WWOX: variants seen among roughly 807,000 people sequenced by gnomAD.
The protein encoded by WWOX is WW domain containing oxidoreductase.
Under a neutral mutation model 46.2 loss-of-function variants are expected in WWOX, and 69 were observed. The observed-to-expected ratio is 1.49, with a 90% CI of 1.23 to 1.82. The LOEUF is 1.82. Ranked by LOEUF, WWOX falls within the 40% of genes most tolerant of loss-of-function variation. The pLI, the probability that WWOX is intolerant of heterozygous loss-of-function variation, is 0.00. For missense variants in WWOX, 919 were observed against 542.6 expected (o/e 1.69, Z -6.89); for synonymous variants, 359 against 202.6 (o/e 1.77, Z -6.56).
intron 8 of WWOX, among the ~76,000 whole-genome samples, chr16:78,584,625 A>G (rs1374765721): frequency 2.0e-5 from 3 of 152,228 alleles, no homozygotes; most frequent in African/African-American, 7.2e-5. Flanking sequence ...GACTGTTACC[A>G]GAGGACATAT....
intron 5 of WWOX, among the ~76,000 whole-genome samples, chr16:78,358,173 T>G (rs1478167912): frequency 1.3e-5 from 2 of 152,154 alleles, no homozygotes; most frequent in Non-Finnish European, 2.9e-5. Context: ...TCAACACACA[T>G]TAATCAACAA....
At chr16:78,990,645 A>G (rs919908852) in intron 8 of WWOX, among the ~76,000 whole-genome samples, 8 of 152,188 alleles carry the variant, frequency 5.3e-5, no homozygotes, top group African/African-American at 1.9e-4. Context: ...AAGTAAAATG[A>G]AAGAAGAAAA....
intron 8 of WWOX, among the ~76,000 whole-genome samples, chr16:78,634,034 T>A (rs2046505344): frequency 6.6e-6 from 1 of 152,060 alleles, no homozygotes; most frequent in Non-Finnish European, 1.5e-5. Flanking sequence ...CAGCCAGCTG[T>A]GGGGTTGGAC....
intron 8 of WWOX, among the ~76,000 whole-genome samples, chr16:78,962,030 C>G (rs561121606): frequency 1.3e-5 from 2 of 152,160 alleles, no homozygotes; most frequent in East Asian, 1.9e-4. Context: ...TGCTCCTGAG[C>G]AAGTCTGGAT....
intron 8 of WWOX, among the ~76,000 whole-genome samples, chr16:79,207,604 T>A (rs1039515052): frequency 1.3e-5 from 2 of 152,230 alleles, no homozygotes; most frequent in African/African-American, 4.8e-5. Flanking sequence ...TGCCATGATA[T>A]TGTGTCTATT....
chr16:78,538,545 C>G (rs544623875), intron 8 of WWOX, among the ~76,000 whole-genome samples: 11 of 152,126 alleles, frequency 7.2e-5, no homozygotes, highest in Non-Finnish European at 1.6e-4. Context: ...ACCTTCCAGA[C>G]GAGCATGCTC....
At chr16:78,966,974 T>C in intron 8 of WWOX, among the ~76,000 whole-genome samples, 1 of 152,222 alleles carries the variant, frequency 6.6e-6, no homozygotes, top group East Asian at 1.9e-4. Context: ...GAGTTATTTC[T>C]TATTAACATT....
intron 3 of WWOX, among the ~76,000 whole-genome samples, chr16:78,112,306 G>A (rs1174525072): frequency 2.0e-5 from 3 of 152,136 alleles, no homozygotes; most frequent in African/African-American, 7.2e-5. Flanking sequence ...GCTCTCCAAA[G>A]CATTCGACCA....
chr16:78,748,046 G>T (rs1004301695), intron 8 of WWOX, among the ~76,000 whole-genome samples: 1 of 152,084 alleles, frequency 6.6e-6, no homozygotes, highest in East Asian at 1.9e-4. Context: ...GAGCACTTGG[G>T]ATCTGCAGAA....
chr16:78,638,891 T>G (rs540263645), intron 8 of WWOX, among the ~76,000 whole-genome samples: 3 of 152,112 alleles, frequency 2.0e-5, no homozygotes, highest in African/African-American at 7.2e-5. Context: ...GTCCTAGGCA[T>G]GGAAAAAGAA....
At chr16:78,900,148 C>G (rs776186883) in intron 8 of WWOX, among the ~76,000 whole-genome samples, 3 of 145,760 alleles carry the variant, frequency 2.1e-5, no homozygotes, top group African/African-American at 7.7e-5. Flanking sequence ...ATGAAGGAGT[C>G]AGTAACAAAC....
At chr16:78,129,453 T>C (rs139778611) in intron 4 of WWOX, among the ~76,000 whole-genome samples, 235 of 152,308 alleles carry the variant, frequency 1.5e-3, no homozygotes, top group African/African-American at 5.5e-3. Context: ...TATCTAAACA[T>C]AGAAATGGTT....
chr16:78,475,474 T>C (rs994082876), intron 8 of WWOX, among the ~76,000 whole-genome samples: 6 of 152,252 alleles, frequency 3.9e-5, no homozygotes, highest in African/African-American at 1.4e-4. Flanking sequence ...TGGTTTGTTA[T>C]AAGGTGGTCC....
chr16:78,648,810 T>C (rs1254116564), intron 8 of WWOX, among the ~76,000 whole-genome samples: 1 of 152,202 alleles, frequency 6.6e-6, no homozygotes. Context: ...TGATGGTGGC[T>C]GACTGCCTGG....
At chr16:78,689,073 G>T (rs1287966531) in intron 8 of WWOX, among the ~76,000 whole-genome samples, 1 of 152,240 alleles carries the variant, frequency 6.6e-6, no homozygotes, top group Non-Finnish European at 1.5e-5. Flanking sequence ...ACCCAGGCTT[G>T]CATATGTCTT....
intron 8 of WWOX, among the ~76,000 whole-genome samples, chr16:78,553,531 C>T (rs746739382): frequency 6.6e-6 from 1 of 152,076 alleles, no homozygotes; most frequent in East Asian, 1.9e-4. Flanking sequence ...ACTGTGGTTA[C>T]CAGTGAGCTG....
At chr16:78,864,321 C>T (rs2043955631) in intron 8 of WWOX, among the ~76,000 whole-genome samples, 1 of 150,890 alleles carries the variant, frequency 6.6e-6, no homozygotes, top group Non-Finnish European at 1.5e-5. Flanking sequence ...GGCTGGAGTG[C>T]AGTGGTGCAG....
intron 8 of WWOX, among the ~76,000 whole-genome samples, chr16:79,008,261 C>A (rs1044590368): frequency 2.6e-5 from 4 of 152,190 alleles, no homozygotes. Context: ...TTCTTCAAGA[C>A]TGAAGGAGGC....
At chr16:79,113,195 G>A (rs930410516) in intron 8 of WWOX, among the ~76,000 whole-genome samples, 5 of 152,186 alleles carry the variant, frequency 3.3e-5, no homozygotes, top group Non-Finnish European at 7.3e-5. Flanking sequence ...TGGTGGGAGG[G>A]CAGAGGCATT....
Sources: gnomAD v4.1 joint callset for allele counts (sites outside exome capture counted in the v4.1 genomes callset) on GRCh38, gnomAD v4.1.1 for gene constraint, MANE v1.5 for transcripts, NCBI Gene and HGNC (gene_info 2026-07-23, HGNC 2026-07-21) for gene names.